Variants in MAP2K4 observed in about 807,000 individuals in gnomAD.
MAP2K4 encodes mitogen-activated protein kinase kinase 4.
A neutral mutation model predicts 48.5 loss-of-function variants in MAP2K4; 4 were observed. That is an observed-to-expected ratio of 0.08 (90% CI 0.04 to 0.19). The LOEUF (loss-of-function observed/expected upper bound fraction) is 0.19. Ranked by LOEUF, MAP2K4 falls within the 10% of genes least tolerant of loss-of-function variation. MAP2K4 has a pLI of 1.00. For missense variants in MAP2K4, 258 were observed against 493.3 expected (o/e 0.52, Z 4.52); for synonymous variants, 166 against 173.1 (o/e 0.96, Z 0.32).
At chr17:12,064,522 A>T (rs1970553175) in intron 2 of MAP2K4, among the ~76,000 whole-genome samples, 1 of 152,256 alleles carries the variant, frequency 6.6e-6, no homozygotes, top group Non-Finnish European at 1.5e-5. Context: ...CAAAAAGGTG[A>T]TACCACTACA....
rs28921112 is a variant in MAP2K4, at chr17:12,140,928, G to A, written c.1087-219G>A. On this transcript the variant is annotated intron_variant, in intron 10 of 10. Coordinates refer to ENST00000353533, the MANE Select transcript of MAP2K4 (RefSeq NM_003010.4). ...CCTCACTGCCAAGGTGGCACCTTCA[G>A]ATCATTACCACGTATCCTCTCTCTA... Among the ~76,000 whole-genome samples the A allele has an allele frequency of 6.2e-3, 950 of 152,232 alleles. 2 individuals are homozygous for A. Among genetic ancestry groups the A allele is most frequent in the East Asian group, 0.036 (187 of 5,158 alleles).
At chr17:12,118,219 C>G (rs920562242) in intron 7 of MAP2K4, among the ~76,000 whole-genome samples, 2 of 152,130 alleles carry the variant, frequency 1.3e-5, no homozygotes, top group African/African-American at 4.8e-5. Context: ...AGGTATAATG[C>G]TGATGAAACA....
intron 3 of MAP2K4, among the ~76,000 whole-genome samples, chr17:12,088,475 TAATATTAAA>T (rs1971441363): frequency 2.3e-5 from 3 of 128,780 alleles, no homozygotes; most frequent in Non-Finnish European, 4.9e-5. Context: ...ATATTAAATA[TAATATTAAA>T]TATACAATAT....
chr17:12,114,931 T>A (rs995011007), intron 7 of MAP2K4, among the ~76,000 whole-genome samples: 1 of 152,226 alleles, frequency 6.6e-6, no homozygotes, highest in Non-Finnish European at 1.5e-5. Context: ...GATAAACTCT[T>A]GGCCTCTAAT....
In MAP2K4 at chr17:12,021,190, G is replaced by C. The variant is rs1189302474; in HGVS notation, c.115+189G>C. On this transcript the variant is annotated intron_variant, in intron 1 of 10. Coordinates refer to ENST00000353533, the MANE Select transcript of MAP2K4 (RefSeq NM_003010.4). ...CCGGCCCGGCTTGGATCCGGGCTCC[G>C]GCCCGCATAGGCCCCGGCCGCGGCC... 19 of 340,298 alleles carry C rather than the reference G, an allele frequency of 5.6e-5. No individual in the cohort carries two copies. In the East Asian group the frequency reaches 6.3e-4, roughly 11 times the overall value. 21.1% of individuals were successfully genotyped at this position (340,298 alleles called of 1,614,324 possible).
intron 2 of MAP2K4, among the ~76,000 whole-genome samples, chr17:12,055,268 A>G (rs552090014): frequency 1.3e-5 from 2 of 152,272 alleles, no homozygotes; most frequent in East Asian, 3.9e-4. Context: ...TCTATGTCAT[A>G]GTAAATTGAA....
At chr17:12,040,803 G>T (rs187596955) in intron 1 of MAP2K4, among the ~76,000 whole-genome samples, 3 of 152,302 alleles carry the variant, frequency 2.0e-5, no homozygotes, top group East Asian at 3.9e-4. Flanking sequence ...AATTAGTAAT[G>T]ACCTTTTAAT....
At chr17:12,107,717 G>A (rs1419649796) in intron 4 of MAP2K4, 73 bp from the exon 5 acceptor site, 5 of 1,257,490 alleles carry the variant, frequency 4.0e-6, no homozygotes, top group Non-Finnish European at 5.5e-6. Flanking sequence ...CCTTTCTATT[G>A]TATTTCCATT....
At chr17:12,101,490 C>A (rs1441909500) in intron 4 of MAP2K4, among the ~76,000 whole-genome samples, 1 of 151,896 alleles carries the variant, frequency 6.6e-6, no homozygotes, top group Non-Finnish European at 1.5e-5. Context: ...CATATCCTTT[C>A]TATTTTCATG....
chr17:12,065,655 C>T (rs1162641257), intron 2 of MAP2K4, among the ~76,000 whole-genome samples: 9 of 151,878 alleles, frequency 5.9e-5, no homozygotes, highest in East Asian at 1.9e-4. Flanking sequence ...AGGCTTGTCT[C>T]GAACTCTTGA....
At chr17:12,052,198 C>T (rs781415226) in intron 1 of MAP2K4, among the ~76,000 whole-genome samples, 10 of 152,078 alleles carry the variant, frequency 6.6e-5, no homozygotes, top group Non-Finnish European at 1.2e-4. Flanking sequence ...GGAAAGGCTT[C>T]GAAACCTACA....
intron 1 of MAP2K4, chr17:12,032,399 A>C (rs570603897): frequency 2.2e-6 from 1 of 462,986 alleles, no homozygotes; most frequent in African/African-American, 2.0e-5. Context: ...AGCCATGGCA[A>C]TTTTACATTC....
At chr17:12,084,846 G>T (rs532827233) in intron 3 of MAP2K4, among the ~76,000 whole-genome samples, 1 of 152,246 alleles carries the variant, frequency 6.6e-6, no homozygotes, top group African/African-American at 2.4e-5. Flanking sequence ...TCTGAGCTAG[G>T]GTAATTCAGA....
At chr17:12,034,472 T>C (rs750947287) in intron 1 of MAP2K4, among the ~76,000 whole-genome samples, 1 of 152,360 alleles carries the variant, frequency 6.6e-6, no homozygotes, top group Non-Finnish European at 1.5e-5. Flanking sequence ...ACATCTCTCT[T>C]TTTATTTCTG....
intron 1 of MAP2K4, among the ~76,000 whole-genome samples, chr17:12,050,003 A>T (rs961494963): frequency 6.6e-6 from 1 of 152,224 alleles, no homozygotes; most frequent in South Asian, 2.1e-4. Context: ...CTGTTACTAC[A>T]ACAGATGTTA....
intron 1 of MAP2K4, among the ~76,000 whole-genome samples, chr17:12,045,662 A>G (rs1369989469): frequency 6.6e-6 from 1 of 152,238 alleles, no homozygotes; most frequent in African/African-American, 2.4e-5. Context: ...TGAGACAGTA[A>G]CTTAAAACTT....
intron 1 of MAP2K4, among the ~76,000 whole-genome samples, chr17:12,030,171 T>C (rs571284392): frequency 3.9e-5 from 6 of 152,308 alleles, no homozygotes; most frequent in African/African-American, 9.6e-5. Context: ...TTCTGACTTT[T>C]GCAGGTCTTA....
chr17:12,020,925 G>GGGCGGC lies in MAP2K4; in HGVS notation c.40_45dup (p.Gly14_Gly15dup). 1 of 1,217,878 alleles carries GGGCGGC rather than the reference G, an allele frequency of 8.2e-7. No individual in the cohort carries two copies. Among genetic ancestry groups the GGGCGGC allele is most frequent in the Non-Finnish European group, 1.0e-6 (1 of 979,124 alleles). 75.4% of individuals were successfully genotyped at this position (1,217,878 alleles called of 1,614,324 possible). A position where few individuals can be genotyped will look rare whatever the true frequency, so the allele number is the denominator to read the frequency against. Reference sequence around the variant, plus strand: ...GCCCGAGCGGCGGCGGCGGCTCCGGGGGCGGCAGCGGCAGCGGCACCCCCG... The same window carrying GGGCGGC: ...GCCCGAGCGGCGGCGGCGGCTCCGGGGGCGGCGGCGGCAGCGGCAGCGGCACCCCCG... On this transcript the variant is annotated inframe_insertion, in exon 1 of 11. Coordinates refer to ENST00000353533, the MANE Select transcript of MAP2K4 (RefSeq NM_003010.4).
intron 1 of MAP2K4, among the ~76,000 whole-genome samples, chr17:12,034,817 G>C (rs779326490): frequency 5.3e-5 from 8 of 152,128 alleles, no homozygotes; most frequent in African/African-American, 1.4e-4. Flanking sequence ...GAGCATAAAG[G>C]GTGCTGAGAG....
Sources: allele counts gnomAD v4.1 joint callset (sites outside exome capture counted in the v4.1 genomes callset), GRCh38; gene constraint gnomAD v4.1.1; transcripts MANE v1.5; gene names NCBI Gene and HGNC (gene_info 2026-07-23, HGNC 2026-07-21).